The following PALS2 variants were observed in gnomAD, a reference collection of about 807,000 sequenced individuals.
The protein encoded by PALS2 is protein associated with LIN7 2, MAGUK p55 family member.
In PALS2, 27 loss-of-function variants were observed where a neutral mutation model predicts 61.6. The ratio of observed to expected loss-of-function variants is 0.44; its 90% CI spans 0.32 to 0.60. PALS2 has a LOEUF of 0.60. PALS2 is among the 20% of genes least tolerant of loss of function. The pLI, the probability that PALS2 is intolerant of heterozygous loss-of-function variation, is 0.05. For synonymous variants in PALS2, 236 were observed against 218.6 expected (o/e 1.08, Z -0.70); for missense variants, 554 against 639.4 (o/e 0.87, Z 1.44).
intron 1 of PALS2, among the ~76,000 whole-genome samples, chr7:24,621,478 G>A (rs1483024729): frequency 6.6e-6 from 1 of 152,048 alleles, no homozygotes; most frequent in Non-Finnish European, 1.5e-5. Context: ...TTTAAAAATT[G>A]AGAGTCTGAA....
intron 3 of PALS2, among the ~76,000 whole-genome samples, chr7:24,646,844 A>G (rs1562638811): frequency 6.6e-6 from 1 of 152,170 alleles, no homozygotes; most frequent in African/African-American, 2.4e-5. Context: ...TTATTGGTCT[A>G]TGCAGGGAAT....
intron 1 of PALS2, among the ~76,000 whole-genome samples, chr7:24,609,695 C>T (rs1237160369): frequency 1.3e-5 from 2 of 152,104 alleles, no homozygotes; most frequent in Admixed American, 6.6e-5. Context: ...TCTACCTCAG[C>T]CTCTACTCTC....
At chr7:24,620,483 C>G (rs1223182809) in intron 1 of PALS2, among the ~76,000 whole-genome samples, 1 of 151,944 alleles carries the variant, frequency 6.6e-6, no homozygotes, top group Admixed American at 6.5e-5. Flanking sequence ...AGATTAAATT[C>G]CATATGATTA....
chr7:24,648,458 A>G (rs1304710778), intron 3 of PALS2, among the ~76,000 whole-genome samples: 7 of 151,416 alleles, frequency 4.6e-5, no homozygotes, highest in Admixed American at 3.3e-4. Context: ...ACGCCCAGCT[A>G]ATTTTTTGTG....
At chr7:24,659,954 T>A (rs58504512) in intron 5 of PALS2, among the ~76,000 whole-genome samples, 9,734 of 152,200 alleles carry the variant, frequency 0.064, 361 homozygotes, top group African/African-American at 0.096. Context: ...TCTCCTCAAC[T>A]TAGAGACCAT....
chr7:24,666,120 A>G (rs1224225141), intron 8 of PALS2, 31 bp downstream of exon 8: 8 of 1,554,812 alleles, frequency 5.1e-6, no homozygotes, highest in East Asian at 2.2e-5. Context: ...GAGAAGTCCA[A>G]GTGAAGTAGC....
intron 1 of PALS2, among the ~76,000 whole-genome samples, chr7:24,601,218 A>G (rs983802522): frequency 2.0e-5 from 3 of 152,084 alleles, no homozygotes; most frequent in African/African-American, 7.2e-5. Context: ...CACCCTAATT[A>G]TATTAGTAAT....
At chr7:24,679,780 C>A (rs572212399) in intron 10 of PALS2, among the ~76,000 whole-genome samples, 20 of 152,294 alleles carry the variant, frequency 1.3e-4, no homozygotes, top group African/African-American at 4.1e-4. Context: ...CCGCTACACT[C>A]AGCCCAACCT....
chr7:24,591,812 A>G (rs921438627), intron 1 of PALS2, among the ~76,000 whole-genome samples: 1 of 152,066 alleles, frequency 6.6e-6, no homozygotes, highest in Non-Finnish European at 1.5e-5. Context: ...ATTCATTAAC[A>G]TTGTACTCAT....
chr7:24,613,735 C>T (rs1369944662), intron 1 of PALS2, among the ~76,000 whole-genome samples: 1 of 151,732 alleles, frequency 6.6e-6, no homozygotes, highest in African/African-American at 2.4e-5. Context: ...TCTCTTCCTA[C>T]CCCTTCTTTC....
intron 3 of PALS2, among the ~76,000 whole-genome samples, chr7:24,647,260 C>CTGGGA (rs1785887752): frequency 6.6e-6 from 1 of 151,854 alleles, no homozygotes; most frequent in African/African-American, 2.4e-5. Context: ...AATTCTCCTG[C>CTGGGA]CTCAGCCTCC....
At chr7:24,648,922 A>AAC (rs1785990740) in intron 3 of PALS2, among the ~76,000 whole-genome samples, 1 of 151,620 alleles carries the variant, frequency 6.6e-6, no homozygotes, top group Non-Finnish European at 1.5e-5. Context: ...AAAAAAAAAA[A>AAC]GCAATTCCTA....
chr7:24,630,904 A>G (rs1784970960), intron 2 of PALS2, among the ~76,000 whole-genome samples: 1 of 152,240 alleles, frequency 6.6e-6, no homozygotes, highest in African/African-American at 2.4e-5. Flanking sequence ...CTTTCAAAAT[A>G]CTACTGGTTA....
At chr7:24,628,209 C>T (rs1784835297) in intron 2 of PALS2, among the ~76,000 whole-genome samples, 1 of 152,164 alleles carries the variant, frequency 6.6e-6, no homozygotes, top group Non-Finnish European at 1.5e-5. Context: ...AAGGCAGGTT[C>T]AACATGCACA....
rs1215662560 is a variant in PALS2 at position 24,687,119 on chromosome 7, ACCTG to A, written c.1447-317_1447-314del. Among the ~76,000 whole-genome samples, 4 of 152,196 alleles carry A rather than the reference ACCTG, an allele frequency of 2.6e-5. No individual in the cohort carries two copies. On this transcript the variant is annotated intron_variant, in intron 11 of 11. Transcript: ENST00000222644. The surrounding 1 kb of genome is among the most constrained non-coding windows in gnomAD (Gnocchi z 4.5). ...GATATAGTGGAGCTGGAAACCAGTC[ACCTG>A]CAGTAATTGTTTTGTTACTGTAGAT...
intron 3 of PALS2, 95 bp from the exon 4 acceptor site, chr7:24,649,517 G>A: frequency 8.7e-7 from 1 of 1,151,008 alleles, no homozygotes; most frequent in Non-Finnish European, 1.2e-6. Context: ...GAAATTTTTA[G>A]TACTCCATTG....
intron 11 of PALS2, among the ~76,000 whole-genome samples, chr7:24,686,987 T>C (rs932924293): frequency 6.6e-6 from 1 of 152,202 alleles, no homozygotes; most frequent in Non-Finnish European, 1.5e-5. Context: ...TCTAAGATTC[T>C]CTGATCTTAT....
rs1788452623 is a variant in PALS2 at position 24,691,285 on chromosome 7, T to C, written c.*3671T>C. On this transcript the variant is annotated 3_prime_UTR_variant, in exon 12 of 12. Coordinates refer to ENST00000222644, the MANE Select transcript of PALS2 (RefSeq NM_001303037.2). ...ATCACAGGCTAGAGAGCCAATAATT[T>C]TGTAGTAATGAACCTTAACTAAACA... 6.6e-6 allele frequency: 1 copy of C among 151,496 alleles called. No individual in the cohort carries two copies. Among genetic ancestry groups the C allele is most frequent in the African/African-American group, 2.4e-5 (1 of 41,340 alleles). 9.4% of individuals were successfully genotyped at this position (151,496 alleles called of 1,614,324 possible). A position where few individuals can be genotyped will look rare whatever the true frequency, so the allele number is the denominator to read the frequency against.
intron 9 of PALS2, among the ~76,000 whole-genome samples, chr7:24,671,441 T>C (rs1045854662): frequency 4.6e-5 from 7 of 152,238 alleles, no homozygotes; most frequent in Non-Finnish European, 7.3e-5. Flanking sequence ...TTGTTAGATA[T>C]GATTTGCACG....
Sources: allele counts gnomAD v4.1 joint callset (sites outside exome capture counted in the v4.1 genomes callset), GRCh38; gene constraint gnomAD v4.1.1; non-coding constraint Gnocchi (gnomAD v3.1); transcripts MANE v1.5; gene names NCBI Gene and HGNC (gene_info 2026-07-23, HGNC 2026-07-21).